PBX4: variants seen among roughly 807,000 people sequenced by gnomAD.
PBX4 encodes the protein pre-B-cell leukemia transcription factor 4.
PBX4 carries 26 observed loss-of-function variants against 35.1 expected under a neutral mutation model. The ratio of observed to expected loss-of-function variants is 0.74; its 90% CI spans 0.54 to 1.03. The LOEUF is 1.03. Among genes scored for constraint, PBX4 ranks in the 50% least tolerant of loss-of-function variants. PBX4 has a pLI of 0.00. For missense variants in PBX4, 448 were observed against 504.3 expected, an observed-to-expected ratio of 0.89 and a Z score of 1.07; for synonymous variants, 199 against 204.2, an observed-to-expected ratio of 0.97 and a Z score of 0.22.
At chr19:19,611,226 T>A (rs1251837999) in intron 1 of PBX4, among the ~76,000 whole-genome samples, 1 of 152,176 alleles carries the variant, frequency 6.6e-6, no homozygotes, top group Non-Finnish European at 1.5e-5. Context: ...ACACCTTGCC[T>A]CTTCAGTAAG....
In PBX4 at chr19:19,564,944, G is replaced by A. The variant is rs752130197; in HGVS notation, c.914C>T (p.Thr305Ile). 3 of 1,614,282 alleles carry A rather than the reference G, an allele frequency of 1.9e-6. No individual in the cohort carries two copies. The highest frequency in any genetic ancestry group is 2.5e-6 in the Non-Finnish European group (3 of 1,180,048). Residue 305 changes from threonine to isoleucine, a missense_variant, in exon 6 of 8, where the codon ACA (threonine) becomes ATA (isoleucine). Physicochemically the swap from Thr to Ile is moderately conservative, Grantham distance 89 (BLOSUM62 -1). Transcript: ENST00000251203. ...CCAGCCTCACTCACCGGAGCTAGGT[G>A]TTGACAGGCAGCTGGCGTGGTTCCC... ...VPGNHASCLS[T>I]PSSGSSGPFP...
intron 1 of PBX4, among the ~76,000 whole-genome samples, chr19:19,607,569 G>C (rs1043685015): frequency 3.3e-5 from 5 of 152,128 alleles, no homozygotes; most frequent in African/African-American, 9.7e-5. Flanking sequence ...GAAAGTGAAA[G>C]CATAGAGCTT....
chr19:19,615,384 A>G (rs556707258), intron 1 of PBX4, among the ~76,000 whole-genome samples: 1 of 151,988 alleles, frequency 6.6e-6, no homozygotes, highest in African/African-American at 2.4e-5. Context: ...TATGGTGACA[A>G]GGACTCTAAT....
rs569731847 is a variant in PBX4, at chr19:19,606,442, A to G, written c.120-7077T>C. 2.6e-5 allele frequency: 4 copies of G among 152,436 alleles called. No homozygotes were observed. The South Asian group carries it at 8.3e-4, about 32-fold the overall frequency. The allele number at this position is 152,436 out of a possible 1,614,324, so 9.4% of individuals were successfully genotyped here. ...AGAACCCCATGCTCTGGATAGGAAC[A>G]TAGCCCAGCCAACACCTTGACTGCA... On this transcript the variant is annotated intron_variant, in intron 1 of 7. Coordinates refer to ENST00000251203, the MANE Select transcript of PBX4 (RefSeq NM_025245.3).
chr19:19,584,037 A>C (rs1201145710), intron 2 of PBX4, among the ~76,000 whole-genome samples: 3 of 151,910 alleles, frequency 2.0e-5, no homozygotes, highest in East Asian at 3.9e-4. Flanking sequence ...CCATTGCACT[A>C]CAGCCTGGGC....
chr19:19,607,872 A>G (rs1235992313), intron 1 of PBX4, among the ~76,000 whole-genome samples: 1 of 152,200 alleles, frequency 6.6e-6, no homozygotes, highest in Non-Finnish European at 1.5e-5. Flanking sequence ...ATACTACTTG[A>G]AAAAGTCTTC....
chr19:19,586,909 C>T (rs113415579), intron 2 of PBX4, among the ~76,000 whole-genome samples: 195 of 151,528 alleles, frequency 1.3e-3, no homozygotes, highest in African/African-American at 4.4e-3. Context: ...CCAGCATGGG[C>T]GACAGAGTGA....
chr19:19,599,641 C>G (rs1057032094), intron 1 of PBX4, among the ~76,000 whole-genome samples: 2 of 152,096 alleles, frequency 1.3e-5, no homozygotes, highest in Admixed American at 6.5e-5. Flanking sequence ...AGTTTGAGAC[C>G]AGCCTGGCCA....
chr19:19,564,980 A>G lies in PBX4; in HGVS notation c.878T>C (p.Val293Ala), dbSNP rs774242734. The G allele has an allele frequency of 8.7e-6, 14 of 1,614,070 alleles. No individual in the cohort carries two copies. The East Asian group carries it at 2.9e-4, about 33-fold the overall frequency. ...TGKTAVDTTE[V>A]GVPGNHASCL... ...GCTGGCGTGGTTCCCTGGGACCCCA[A>G]CTTCCGTGGTATCCACAGCCGTTTT... Residue 293 changes from valine (V) to alanine (A), a missense_variant, in exon 6 of 8, where the codon GTT becomes GCT. Val to Ala is a moderately conservative substitution (Grantham distance 64). Transcript: ENST00000251203.
chr19:19,571,840 C>T (rs2061385278), intron 2 of PBX4, among the ~76,000 whole-genome samples: 1 of 151,910 alleles, frequency 6.6e-6, no homozygotes, highest in Non-Finnish European at 1.5e-5. Context: ...CGAGATCAGC[C>T]TGGCCAACAT....
Position 19,579,156 on chromosome 19 carries a change from C to G in PBX4, c.194-8323G>C, listed in dbSNP as rs569832831. Among the ~76,000 whole-genome samples, 102 of 152,250 alleles carry G rather than the reference C, an allele frequency of 6.7e-4. No homozygotes were observed. The South Asian group carries it at 0.013, about 19-fold the overall frequency. ...ACAAGGTCAATAGATCGAGACCATC[C>G]TGGCCAATATGGTGAAACCCCATCT... On this transcript the variant is annotated intron_variant, in intron 2 of 7. Transcript: ENST00000251203.
chr19:19,572,070 CTTTTTTTTTTTT>C (rs1249792389), intron 2 of PBX4, among the ~76,000 whole-genome samples: 1 of 69,124 alleles, frequency 1.4e-5, no homozygotes, highest in South Asian at 6.6e-4. Context: ...TAGAATCAGG[CTTTTTTTTTTTT>C]TTTTTTTTTT....
At chr19:19,581,758 C>G (rs995834082) in intron 2 of PBX4, among the ~76,000 whole-genome samples, 9 of 152,154 alleles carry the variant, frequency 5.9e-5, no homozygotes, top group African/African-American at 2.2e-4. Flanking sequence ...AGGAAGGCTG[C>G]GGGAACCCAG....
chr19:19,618,415 G>A (rs1227097922), intron 1 of PBX4, 96 bp downstream of exon 1: 6 of 1,146,368 alleles, frequency 5.2e-6, no homozygotes, highest in Non-Finnish European at 6.7e-6. Context: ...CTCCTCAAGC[G>A]CCCCTCGTCA....
intron 2 of PBX4, among the ~76,000 whole-genome samples, chr19:19,584,626 T>C (rs1568386785): frequency 6.7e-6 from 1 of 149,028 alleles, no homozygotes; most frequent in South Asian, 2.2e-4. Context: ...AGGGCTGGTT[T>C]TTTTTTTTTT....
intron 1 of PBX4, among the ~76,000 whole-genome samples, chr19:19,613,086 G>A (rs1401396861): frequency 1.3e-5 from 2 of 151,654 alleles, no homozygotes; most frequent in African/African-American, 2.4e-5. Flanking sequence ...GCCTCCCAAA[G>A]TGCTGGGATT....
At chr19:19,593,875 C>T (rs967029130) in intron 2 of PBX4, among the ~76,000 whole-genome samples, 6 of 151,942 alleles carry the variant, frequency 3.9e-5, no homozygotes, top group Admixed American at 1.3e-4. Flanking sequence ...GCCTGTAACC[C>T]CACACCTTGG....
At chr19:19,602,902 TCA>T (rs963852741) in intron 1 of PBX4, among the ~76,000 whole-genome samples, 2 of 152,108 alleles carry the variant, frequency 1.3e-5, no homozygotes, top group Non-Finnish European at 2.9e-5. Flanking sequence ...CATTTAATGC[TCA>T]CACACAAAGC....
intron 2 of PBX4, among the ~76,000 whole-genome samples, chr19:19,572,070 C>CTTTTTTTT (rs1249792389): frequency 1.4e-4 from 10 of 69,124 alleles, no homozygotes; most frequent in African/African-American, 4.6e-4. Context: ...TAGAATCAGG[C>CTTTTTTTT]TTTTTTTTTT....
Sources: gnomAD v4.1 joint callset for allele counts (sites outside exome capture counted in the v4.1 genomes callset) on GRCh38, gnomAD v4.1.1 for gene constraint, MANE v1.5 for transcripts, NCBI Gene and HGNC (gene_info 2026-07-23, HGNC 2026-07-21) for gene names.